Variants in FERMT2 observed in about 807,000 individuals in gnomAD.
The protein encoded by FERMT2 is fermitin family homolog 2.
FERMT2 carries 15 observed loss-of-function variants against 82.7 expected under a neutral mutation model. That is an observed-to-expected ratio of 0.18 (90% CI 0.12 to 0.28). The LOEUF is 0.28. FERMT2 is among the 10% of genes least tolerant of loss of function. The pLI is 1.00. For missense variants in FERMT2, 645 were observed against 809.4 expected (o/e 0.80, Z 2.46); for synonymous variants, 274 against 271.5 (o/e 1.01, Z -0.09).
At chr14:52,871,059 G>A (rs1244918720) in intron 10 of FERMT2, among the ~76,000 whole-genome samples, 1 of 152,198 alleles carries the variant, frequency 6.6e-6, no homozygotes, top group Non-Finnish European at 1.5e-5. Flanking sequence ...CTTGCCAAGG[G>A]TGGCGCAACC....
chr14:52,903,462 C>T (rs1403668988), intron 3 of FERMT2, among the ~76,000 whole-genome samples: 1 of 151,624 alleles, frequency 6.6e-6, no homozygotes, highest in African/African-American at 2.4e-5. Context: ...TACTTGAGGC[C>T]AGGAGTTAGA....
chr14:52,889,702 G>T (rs1352220103), intron 4 of FERMT2, among the ~76,000 whole-genome samples: 1 of 152,156 alleles, frequency 6.6e-6, no homozygotes, highest in Non-Finnish European at 1.5e-5. Flanking sequence ...AGGCTATACG[G>T]ATGGTATAGT....
At chr14:52,921,743 AG>A (rs1491558001) in intron 2 of FERMT2, among the ~76,000 whole-genome samples, 1 of 152,098 alleles carries the variant, frequency 6.6e-6, no homozygotes, top group Non-Finnish European at 1.5e-5. Flanking sequence ...CTCAGAAAAC[AG>A]GGGAAAAAAA....
intron 6 of FERMT2, among the ~76,000 whole-genome samples, chr14:52,880,833 A>G (rs935351328): frequency 7.2e-5 from 11 of 152,192 alleles, no homozygotes; most frequent in African/African-American, 2.4e-4. Flanking sequence ...AACAATAAAA[A>G]GGTTTAGTTA....
At chr14:52,881,908 A>C (rs1345179842) in intron 4 of FERMT2, 7 of 563,882 alleles carry the variant, frequency 1.2e-5, no homozygotes, top group Non-Finnish European at 1.9e-5. Flanking sequence ...ATGAAAAGAA[A>C]ATGAGAAAAA....
chr14:52,922,223 A>G (rs2139648082), intron 2 of FERMT2, among the ~76,000 whole-genome samples: 1 of 152,286 alleles, frequency 6.6e-6, no homozygotes, highest in Non-Finnish European at 1.5e-5. Context: ...CACAGAGGAG[A>G]AAGATGAGGT....
chr14:52,933,656 G>A (rs1889695626), intron 2 of FERMT2, among the ~76,000 whole-genome samples: 2 of 138,106 alleles, frequency 1.4e-5, no homozygotes, highest in Non-Finnish European at 3.0e-5. Context: ...GTTGTGGTGA[G>A]CCGAGATCAC....
At chr14:52,896,207 C>T (rs1196600567) in intron 3 of FERMT2, among the ~76,000 whole-genome samples, 2 of 152,138 alleles carry the variant, frequency 1.3e-5, no homozygotes, top group East Asian at 1.9e-4. Context: ...TTATGCAGCA[C>T]GTGACTGTGT....
chr14:52,863,554 C>T (rs960515628), intron 12 of FERMT2: 2 of 152,108 alleles, frequency 1.3e-5, no homozygotes, highest in African/African-American at 4.8e-5. Flanking sequence ...ACCAAAGAAC[C>T]ATTTTCCTAA....
intron 3 of FERMT2, among the ~76,000 whole-genome samples, chr14:52,910,122 G>C (rs1472825742): frequency 1.3e-5 from 2 of 152,088 alleles, no homozygotes; most frequent in Non-Finnish European, 2.9e-5. Flanking sequence ...AAAAGCTTTT[G>C]TACAGAGTCC....
chr14:52,903,129 A>G (rs1201470971), intron 3 of FERMT2, among the ~76,000 whole-genome samples: 1 of 152,002 alleles, frequency 6.6e-6, no homozygotes, highest in Non-Finnish European at 1.5e-5. Context: ...ATAAAACCCT[A>G]ACCAGGCAGG....
At chr14:52,860,064 A>G (rs77026229) in intron 13 of FERMT2, 36,351 of 315,054 alleles carry the variant, frequency 0.12, 2,484 homozygotes, top group East Asian at 0.22. Context: ...TGATCCACCC[A>G]CCTCGGCCTC....
At chr14:52,928,434 C>T (rs1250901961) in intron 2 of FERMT2, 1 of 153,454 alleles carries the variant, frequency 6.5e-6, no homozygotes, top group Non-Finnish European at 1.5e-5. Flanking sequence ...ACTACAATCC[C>T]AGTGTTCTAG....
rs1885509938 is a variant in FERMT2 at position 52,869,890 on chromosome 14, T to A, written c.1273+2909A>T. Among the ~76,000 whole-genome samples, 4 of 152,098 alleles carry A rather than the reference T, an allele frequency of 2.6e-5. No individual in the cohort carries two copies. The South Asian group carries it at 8.3e-4, about 32-fold the overall frequency. On this transcript the variant is annotated intron_variant, in intron 10 of 14. Coordinates refer to ENST00000341590, the MANE Select transcript of FERMT2 (RefSeq NM_006832.3). ...AGGTGAAGGACAGTGATATTGATGA[T>A]CCCAATCTCGTGGAGGCCTAGGCTA...
intron 3 of FERMT2, among the ~76,000 whole-genome samples, chr14:52,893,663 G>A (rs1001721949): frequency 1.3e-5 from 2 of 151,918 alleles, no homozygotes; most frequent in South Asian, 2.1e-4. Context: ...ATCTACTAGG[G>A]TACGGAAAGA....
At chr14:52,876,495 T>C (rs1885964348) in intron 7 of FERMT2, among the ~76,000 whole-genome samples, 1 of 152,140 alleles carries the variant, frequency 6.6e-6, no homozygotes, top group African/African-American at 2.4e-5. Flanking sequence ...CTGCTCTGGG[T>C]AATTCTGATG....
intron 3 of FERMT2, 104 bp downstream of exon 3, chr14:52,919,019 G>A: frequency 1.4e-6 from 1 of 709,696 alleles, no homozygotes; most frequent in Non-Finnish European, 2.4e-6. Context: ...CATATATACA[G>A]ATAGTTCAGC....
intron 7 of FERMT2, among the ~76,000 whole-genome samples, chr14:52,875,857 G>A (rs1304327125): frequency 6.6e-6 from 1 of 152,006 alleles, no homozygotes; most frequent in Non-Finnish European, 1.5e-5. Context: ...CCCCATCCTT[G>A]CTTCATGTTC....
chr14:52,870,174 C>T (rs549412755), intron 10 of FERMT2, among the ~76,000 whole-genome samples: 20 of 151,918 alleles, frequency 1.3e-4, no homozygotes, highest in Non-Finnish European at 2.8e-4. Context: ...CATATTCACT[C>T]ACCACCCATT....
Sources: allele counts gnomAD v4.1 joint callset (sites outside exome capture counted in the v4.1 genomes callset), GRCh38; gene constraint gnomAD v4.1.1; transcripts MANE v1.5; gene names NCBI Gene and HGNC (gene_info 2026-07-23, HGNC 2026-07-21).